The following ANAPC5 variants were observed in gnomAD, a reference collection of about 807,000 sequenced individuals.
ANAPC5 encodes anaphase-promoting complex subunit 5.
A neutral mutation model predicts 91.3 loss-of-function variants in ANAPC5; 60 were observed. That is an observed-to-expected ratio of 0.66 (90% CI 0.53 to 0.81). ANAPC5 has a LOEUF of 0.81. ANAPC5 is among the 40% of genes least tolerant of loss of function. The pLI, the probability that ANAPC5 is intolerant of heterozygous loss-of-function variation, is 0.00. For missense variants in ANAPC5, 690 were observed against 931.5 expected (o/e 0.74, Z 3.37); for synonymous variants, 340 against 364.1 (o/e 0.93, Z 0.75).
At chr12:121,353,455 G>GT (rs1320134474), upstream of ANAPC5, among the ~76,000 whole-genome samples, 6 of 151,956 alleles carry the variant, frequency 3.9e-5, no homozygotes, top group African/African-American at 1.5e-4. Flanking sequence ...GTTTTGTTTT[G>GT]TTTTGAGACG....
Position 121,319,114 on chromosome 12 carries a change from AACACACAC to A in ANAPC5, c.1638-514_1638-507del, listed in dbSNP as rs144370647. 6.0e-4 allele frequency among the ~76,000 whole-genome samples: 69 copies of A among 114,642 alleles called. No homozygotes were observed. The South Asian group carries it at 0.012, about 21-fold the overall frequency. 75.2% of individuals were successfully genotyped at this position (114,642 alleles called of 152,430 possible). ...TATGTGAGCATGCTGTGTATACACAAACACACACACACACACACACACACACACGCATG... is the reference window on the plus strand; with the variant it reads ...TATGTGAGCATGCTGTGTATACACAAACACACACACACACACACACGCATG... On this transcript the variant is annotated intron_variant, in intron 13 of 16. Transcript: ENST00000261819.
intron 12 of ANAPC5, among the ~76,000 whole-genome samples, 161 bp from the exon 13 acceptor site, chr12:121,319,979 GA>G (rs1294973709): frequency 6.6e-6 from 1 of 152,148 alleles, no homozygotes; most frequent in Admixed American, 6.6e-5. Flanking sequence ...TCAAGTATGT[GA>G]AAAAGCACAG....
At chr12:121,309,492 G>A (rs1366438192) in intron 16 of ANAPC5, among the ~76,000 whole-genome samples, 2 of 151,990 alleles carry the variant, frequency 1.3e-5, no homozygotes, top group African/African-American at 4.8e-5. Context: ...GGCTCTATAG[G>A]GTTAAAATAG....
chr12:121,332,482 C>A (rs994850415), intron 7 of ANAPC5: 1 of 152,200 alleles, frequency 6.6e-6, no homozygotes, highest in African/African-American at 2.4e-5. Context: ...CCTTCACTTT[C>A]TAACCTCTTA....
rs749092418 is a variant in ANAPC5 at position 121,318,397 on chromosome 12, G to A, written c.1773C>T (p.Tyr591=). ...CGATGGTAGGGGAGGAAGATCGCCA[G>A]TACAGCTCTGCCACGGACAGTAGGA... ...ISVLLSVAEL[Y]WRSSSPTIAL... Residue 591 remains tyrosine, a synonymous_variant, in exon 15 of 17, where the codon TAC becomes TAT. Coordinates refer to ENST00000261819, the MANE Select transcript of ANAPC5 (RefSeq NM_016237.5). The A allele has an allele frequency of 6.2e-6, 10 of 1,611,808 alleles. No individual in the cohort carries two copies. The highest frequency in any genetic ancestry group is 6.8e-6 in the Non-Finnish European group (8 of 1,178,978).
intron 11 of ANAPC5, 53 bp from the exon 12 acceptor site, chr12:121,320,512 T>A: frequency 4.1e-6 from 6 of 1,455,212 alleles, no homozygotes; most frequent in Non-Finnish European, 5.8e-6. Context: ...AATCCACACC[T>A]GCTGTACCAT....
At chr12:121,309,648 T>C in intron 16 of ANAPC5, 53 bp downstream of exon 16, 1 of 1,546,916 alleles carries the variant, frequency 6.5e-7, no homozygotes. Flanking sequence ...GGTCCTAAAC[T>C]TTCAATGCTT....
At chr12:121,322,199 C>T (rs1446458379) in intron 11 of ANAPC5, among the ~76,000 whole-genome samples, 1 of 138,058 alleles carries the variant, frequency 7.2e-6, no homozygotes, top group Admixed American at 7.4e-5. Flanking sequence ...CACTGTGTCA[C>T]CCAGGCTGGA....
At chr12:121,329,756 C>T (rs184888600) in intron 9 of ANAPC5, among the ~76,000 whole-genome samples, 2 of 152,052 alleles carry the variant, frequency 1.3e-5, no homozygotes, top group Admixed American at 6.6e-5. Context: ...GCTGGGATCA[C>T]AGGCATGTCC....
chr12:121,317,253 CTTTTT>C (rs763895505), intron 15 of ANAPC5, among the ~76,000 whole-genome samples: 1 of 140,964 alleles, frequency 7.1e-6, no homozygotes, highest in African/African-American at 2.6e-5. Context: ...GTGTTACATA[CTTTTT>C]TTTTTTTTTT....
chr12:121,319,400 T>A (rs770065122), intron 13 of ANAPC5, among the ~76,000 whole-genome samples: 2 of 151,718 alleles, frequency 1.3e-5, no homozygotes, highest in Non-Finnish European at 2.9e-5. Context: ...GCCTGGCTAA[T>A]TTTTTGTACT....
At chr12:121,341,748 G>A (rs540968769) in intron 5 of ANAPC5, among the ~76,000 whole-genome samples, 6 of 152,274 alleles carry the variant, frequency 3.9e-5, no homozygotes, top group Admixed American at 2.6e-4. Flanking sequence ...GTTTTAGGCT[G>A]TTAGTCACAT....
At chr12:121,353,001 G>A (rs1555275672), upstream of ANAPC5, among the ~76,000 whole-genome samples, 2 of 152,250 alleles carry the variant, frequency 1.3e-5, no homozygotes, top group East Asian at 3.9e-4. Context: ...TATTTATTAT[G>A]TTACTTTTAA....
At chr12:121,326,998 T>C in intron 11 of ANAPC5, 98 bp downstream of exon 11, 2 of 1,443,206 alleles carry the variant, frequency 1.4e-6, no homozygotes, top group Non-Finnish European at 1.8e-6. Flanking sequence ...CGAGCAGAAC[T>C]GTCCAACACG....
rs115741634 is a variant in ANAPC5 at position 121,342,979 on chromosome 12, A to G, written c.591-910T>C. 9.4e-3 allele frequency among the ~76,000 whole-genome samples: 1,429 copies of G among 152,354 alleles called. 22 individuals are homozygous for G. Among genetic ancestry groups the G allele is most frequent in the African/African-American group, 0.032 (1,346 of 41,584 alleles). On this transcript the variant is annotated intron_variant, in intron 4 of 16. Transcript: ENST00000261819. This position sits in a 1 kb window ranked among gnomAD's most constrained non-coding sequence, Gnocchi z 4.1. Reference sequence around the variant, plus strand: ...TCTAACAAAGTAATTTCTTTTAGACAAAGAATTATAATCATTAGTTAGATT... The same window carrying G: ...TCTAACAAAGTAATTTCTTTTAGACGAAGAATTATAATCATTAGTTAGATT...
At chr12:121,317,184 G>T (rs1902400280) in intron 15 of ANAPC5, among the ~76,000 whole-genome samples, 2 of 151,584 alleles carry the variant, frequency 1.3e-5, no homozygotes, top group Admixed American at 1.3e-4. Flanking sequence ...GCACAATGTT[G>T]TCAATATTCT....
At chr12:121,332,727 G>A (rs534022812) in intron 7 of ANAPC5, 1 of 152,232 alleles carries the variant, frequency 6.6e-6, no homozygotes, top group East Asian at 1.9e-4. Flanking sequence ...TCCAAGACCA[G>A]AAACAAAGAA....
chr12:121,351,544 G>C (rs886226907), intron 1 of ANAPC5, among the ~76,000 whole-genome samples: 2 of 150,340 alleles, frequency 1.3e-5, no homozygotes, highest in African/African-American at 4.9e-5. Flanking sequence ...TGCAACCTCC[G>C]CTTCCCAGGT....
intron 7 of ANAPC5, chr12:121,331,684 T>C (rs1555272948): frequency 3.8e-6 from 1 of 265,428 alleles, no homozygotes; most frequent in East Asian, 6.5e-5. Context: ...TTATCTCCGC[T>C]TCTAAGATGT....
Sources: gnomAD v4.1 joint callset for allele counts (sites outside exome capture counted in the v4.1 genomes callset) on GRCh38, gnomAD v4.1.1 for gene constraint, Gnocchi (gnomAD v3.1) non-coding constraint, MANE v1.5 for transcripts, NCBI Gene and HGNC (gene_info 2026-07-23, HGNC 2026-07-21) for gene names.